SLC8A1: variants seen among roughly 807,000 people sequenced by gnomAD.
SLC8A1 encodes the protein sodium/calcium exchanger 1.
In SLC8A1, 18 loss-of-function variants were observed where a neutral mutation model predicts 68.3. That is an observed-to-expected ratio of 0.26 (90% CI 0.18 to 0.39). SLC8A1 has a LOEUF of 0.39. SLC8A1 is among the 10% of genes least tolerant of loss of function. SLC8A1 has a pLI of 1.00. For synonymous variants in SLC8A1, 475 were observed against 415.5 expected, an observed-to-expected ratio of 1.14 and a Z score of -1.74; for missense variants, 985 against 1,156.7, an observed-to-expected ratio of 0.85 and a Z score of 2.15.
At chr2:40,301,078 T>C (rs2071374018) in intron 2 of SLC8A1, among the ~76,000 whole-genome samples, 2 of 152,130 alleles carry the variant, frequency 1.3e-5, no homozygotes, top group South Asian at 2.1e-4. Context: ...GGGCTGAAGA[T>C]AGGTGGTCTT....
intron 2 of SLC8A1, among the ~76,000 whole-genome samples, chr2:40,369,977 A>G (rs1225708560): frequency 6.6e-6 from 1 of 152,154 alleles, no homozygotes; most frequent in African/African-American, 2.4e-5. Context: ...ATAAAGATCT[A>G]TAAAATAAAG....
chr2:40,220,477 C>A (rs1332469526), intron 2 of SLC8A1: 1 of 152,192 alleles, frequency 6.6e-6, no homozygotes, highest in African/African-American at 2.4e-5. Context: ...GGGCACAGAT[C>A]TCTGTGCACT....
intron 2 of SLC8A1, among the ~76,000 whole-genome samples, chr2:40,342,304 A>G (rs1220214937): frequency 2.0e-5 from 3 of 152,150 alleles, no homozygotes; most frequent in Non-Finnish European, 4.4e-5. Context: ...TGGCCTTACC[A>G]TCTTACTGGA....
chr2:40,236,076 G>C (rs947118245), intron 2 of SLC8A1, among the ~76,000 whole-genome samples: 3 of 152,242 alleles, frequency 2.0e-5, no homozygotes, highest in East Asian at 1.9e-4. Flanking sequence ...TGTATATTCT[G>C]TTGATTTGGG....
chr2:40,150,160 C>T (rs2043159262), intron 6 of SLC8A1, among the ~76,000 whole-genome samples: 1 of 151,970 alleles, frequency 6.6e-6, no homozygotes, highest in South Asian at 2.1e-4. Flanking sequence ...GACACAACAC[C>T]CAGCCAGACC....
At chr2:40,114,167 C>T (rs984699471) in exon 8 of SLC8A1, 10 of 152,742 alleles carry the variant, frequency 6.5e-5, no homozygotes, top group African/African-American at 2.4e-4. Context: ...TTTCACCATG[C>T]ACTGTGTAAC....
At chr2:40,293,747 C>T (rs189697596) in intron 2 of SLC8A1, among the ~76,000 whole-genome samples, 178 of 152,252 alleles carry the variant, frequency 1.2e-3, no homozygotes, top group Non-Finnish European at 2.2e-3. Flanking sequence ...TTGCTAGTGA[C>T]TATTCTACTG....
At position 40,487,834 on chromosome 2, in the gene SLC8A1, G is replaced by C. The variant is rs528258946; in HGVS notation, c.-25+24515C>G. 2.6e-5 allele frequency among the ~76,000 whole-genome samples: 4 copies of C among 152,308 alleles called. No individual in the cohort carries two copies. In the South Asian group the frequency reaches 8.3e-4, roughly 32 times the overall value. The stretch of plus-strand genomic sequence containing the variant: ...CATACTTGAGAGAACTTAATGGTCA[G>C]TCATGGCATTGAAACAGACACATGC... On this transcript the variant is annotated intron_variant, in intron 1 of 7. Coordinates refer to the SLC8A1 transcript ENST00000402441.
chr2:40,465,503 G>C (rs1703617558), intron 1 of SLC8A1, among the ~76,000 whole-genome samples: 1 of 152,044 alleles, frequency 6.6e-6, no homozygotes. Context: ...TGTTGCCTTT[G>C]GGGTAGTTCT....
At chr2:40,353,817 T>A (rs1671855448) in intron 2 of SLC8A1, among the ~76,000 whole-genome samples, 1 of 152,196 alleles carries the variant, frequency 6.6e-6, no homozygotes, top group South Asian at 2.1e-4. Flanking sequence ...TCCTTCTACC[T>A]GCACACCCTT....
At chr2:40,373,172 G>GTGA (rs1678711592) in intron 2 of SLC8A1, among the ~76,000 whole-genome samples, 1 of 151,634 alleles carries the variant, frequency 6.6e-6, no homozygotes, top group Non-Finnish European at 1.5e-5. Context: ...ACCAGGTTTT[G>GTGA]TGTTGTAATA....
chr2:40,222,056 A>T (rs937522069), intron 2 of SLC8A1, among the ~76,000 whole-genome samples: 1 of 152,214 alleles, frequency 6.6e-6, no homozygotes, highest in East Asian at 1.9e-4. Context: ...GAGCCTGTGT[A>T]GCCAAGACAA....
chr2:40,355,688 A>G lies in SLC8A1; in HGVS notation c.1808+72785T>C, dbSNP rs541446521. 1.3e-4 allele frequency among the ~76,000 whole-genome samples: 20 copies of G among 152,168 alleles called. No homozygotes were observed. The South Asian group carries it at 3.9e-3, about 30-fold the overall frequency. ...GCCAGTCAAAATCCAGCTCGCTTTA[A>G]TTTGTAGTCCATGCACGTAACAAAC... On this transcript the variant is annotated intron_variant, in intron 2 of 7. Transcript: ENST00000406785.
intron 1 of SLC8A1, 37 bp downstream of exon 1, chr2:40,451,863 TCTGA>T (rs1319244686): frequency 6.6e-6 from 1 of 152,566 alleles, no homozygotes; most frequent in Non-Finnish European, 1.5e-5. Flanking sequence ...GTTCTTGGTC[TCTGA>T]CTAAATGCCT....
rs903048251 is a variant in SLC8A1, at chr2:40,165,741, A to G, written c.1931-757T>C. On this transcript the variant is annotated intron_variant, in intron 4 of 7. Coordinates refer to ENST00000406785, the Ensembl canonical transcript of SLC8A1. ...AGAACTACCATGTAGCTTACAGTCC[A>G]GGAGAGGACGGTGGGTGCTGAGGAA... is the stretch of plus-strand genomic sequence containing the variant. Among the ~76,000 whole-genome samples, 6 of 152,302 alleles carry G rather than the reference A, an allele frequency of 3.9e-5. No individual in the cohort carries two copies. In the South Asian group the frequency reaches 1.2e-3, roughly 32 times the overall value.
chr2:40,122,005 T>G (rs1402938869), intron 7 of SLC8A1, among the ~76,000 whole-genome samples: 1 of 152,094 alleles, frequency 6.6e-6, no homozygotes, highest in Non-Finnish European at 1.5e-5. Flanking sequence ...GTGTATATAT[T>G]CCTCTCTTTT....
At chr2:40,402,485 A>T (rs1689048836) in intron 2 of SLC8A1, among the ~76,000 whole-genome samples, 1 of 152,182 alleles carries the variant, frequency 6.6e-6, no homozygotes. Context: ...ACTTGCTTTC[A>T]CTTTATGTAT....
At chr2:40,106,441 T>A (rs1050808902) in exon 8 of SLC8A1, 18 of 152,136 alleles carry the variant, frequency 1.2e-4, no homozygotes, top group African/African-American at 4.3e-4. Context: ...TGGAAAAATT[T>A]TCAATCCTTT....
At chr2:40,300,026 C>T (rs969669887) in intron 2 of SLC8A1, among the ~76,000 whole-genome samples, 1 of 152,108 alleles carries the variant, frequency 6.6e-6, no homozygotes, top group African/African-American at 2.4e-5. Flanking sequence ...GTATTTAGAC[C>T]TTCAGGCTAT....
Sources: gnomAD v4.1 joint callset for allele counts (sites outside exome capture counted in the v4.1 genomes callset) on GRCh38, gnomAD v4.1.1 for gene constraint, MANE v1.5 for transcripts, NCBI Gene and HGNC (gene_info 2026-07-23, HGNC 2026-07-21) for gene names.